BARX2: variants seen among roughly 807,000 people sequenced by gnomAD.
BARX2 encodes the protein homeobox protein BarH-like 2.
BARX2 carries 11 observed loss-of-function variants against 25.5 expected under a neutral mutation model. The observed-to-expected ratio is 0.43, with a 90% CI of 0.27 to 0.71. The LOEUF is 0.71. BARX2 is among the 30% of genes least tolerant of loss of function. BARX2 has a pLI of 0.19. For synonymous variants in BARX2, 137 were observed against 149.5 expected, an observed-to-expected ratio of 0.92 and a Z score of 0.61; for missense variants, 360 against 359.9, an observed-to-expected ratio of 1.00 and a Z score of 0.00.
chr11:129,378,406 C>A (rs2135381218), intron 1 of BARX2, among the ~76,000 whole-genome samples: 1 of 152,166 alleles, frequency 6.6e-6, no homozygotes, highest in Non-Finnish European at 1.5e-5. Context: ...TTTGCAAATA[C>A]CATACTTTCA....
At chr11:129,399,140 C>T (rs1478271224) in intron 1 of BARX2, among the ~76,000 whole-genome samples, 1 of 152,118 alleles carries the variant, frequency 6.6e-6, no homozygotes, top group Non-Finnish European at 1.5e-5. Context: ...AATGGATTAG[C>T]CTGTCAGTGG....
At chr11:129,404,813 C>G (rs1048213223) in intron 1 of BARX2, among the ~76,000 whole-genome samples, 2 of 152,160 alleles carry the variant, frequency 1.3e-5, no homozygotes, top group Non-Finnish European at 2.9e-5. Context: ...TTGTTTTGAT[C>G]TTTTCTCAGA....
At position 129,385,069 on chromosome 11, in the gene BARX2, C is replaced by T. The variant is rs1404614085; in HGVS notation, c.187+8847C>T. Among the ~76,000 whole-genome samples the T allele has an allele frequency of 3.3e-5, 5 of 152,262 alleles. No individual in the cohort carries two copies. The East Asian group carries it at 5.8e-4, about 18-fold the overall frequency. On this transcript the variant is annotated intron_variant, in intron 1 of 3. Transcript: ENST00000281437. ...GTAAACATGAAAGGATGCTCAACCT[C>T]GCTGATAAGTGGGAACACCCGAATT...
At chr11:129,383,038 C>T (rs1861584375) in intron 1 of BARX2, among the ~76,000 whole-genome samples, 2 of 152,166 alleles carry the variant, frequency 1.3e-5, no homozygotes, top group Admixed American at 6.5e-5. Context: ...TCAGAATTCA[C>T]GTTAGGATTT....
rs186979559 is a variant in BARX2, at chr11:129,430,901, G to A, written c.188-5850G>A. Among the ~76,000 whole-genome samples, 28 of 152,078 alleles carry A rather than the reference G, an allele frequency of 1.8e-4. 2 individuals carry two copies. The East Asian group carries it at 2.1e-3, about 12-fold the overall frequency. ...TTTTGAAACAGAGTCTTGCTCTGTCGCCCAGGCTGGAGTGCAGTGGCATGA... is the reference window on the plus strand; with the variant it reads ...TTTTGAAACAGAGTCTTGCTCTGTCACCCAGGCTGGAGTGCAGTGGCATGA... On this transcript the variant is annotated intron_variant, in intron 1 of 3. Coordinates refer to ENST00000281437, the MANE Select transcript of BARX2 (RefSeq NM_003658.5).
intron 2 of BARX2, among the ~76,000 whole-genome samples, chr11:129,440,210 G>A (rs1352723563): frequency 1.3e-5 from 2 of 152,210 alleles, no homozygotes; most frequent in Non-Finnish European, 2.9e-5. Context: ...AATTTGTAAC[G>A]GTGGCAGGTA....
intron 1 of BARX2, among the ~76,000 whole-genome samples, chr11:129,408,820 C>T (rs1373547622): frequency 6.6e-6 from 1 of 152,204 alleles, no homozygotes; most frequent in Non-Finnish European, 1.5e-5. Flanking sequence ...TTTTCTCTCT[C>T]TAGACTGCAA....
In BARX2 at chr11:129,378,875, G is replaced by A. The variant is rs148170227; in HGVS notation, c.187+2653G>A. 1.2e-3 allele frequency among the ~76,000 whole-genome samples: 187 copies of A among 150,388 alleles called. 1 individual carries two copies. The highest frequency in any genetic ancestry group is 1.8e-3 in the Admixed American group (27 of 15,080). ...AAAAAAAACACTGCATAATGAAACA[G>A]TTCATGCTCTGTGGATTTAGTAACC... On this transcript the variant is annotated intron_variant, in intron 1 of 3. Transcript: ENST00000281437.
intron 1 of BARX2, among the ~76,000 whole-genome samples, chr11:129,435,685 A>G (rs1290941940): frequency 2.0e-5 from 3 of 152,216 alleles, no homozygotes; most frequent in Non-Finnish European, 4.4e-5. Flanking sequence ...ATTCTTTAGA[A>G]TCAGCTAGTT....
intron 1 of BARX2, among the ~76,000 whole-genome samples, chr11:129,394,731 T>C (rs1861699995): frequency 6.6e-6 from 1 of 152,194 alleles, no homozygotes. Flanking sequence ...AATAAAGCTT[T>C]TTCATCCAGA....
chr11:129,386,082 A>G (rs975825184), intron 1 of BARX2, among the ~76,000 whole-genome samples: 2 of 152,204 alleles, frequency 1.3e-5, no homozygotes, highest in African/African-American at 4.8e-5. Flanking sequence ...ATTATTTATC[A>G]CCAAGATAAC....
chr11:129,393,556 A>G (rs1861687574), intron 1 of BARX2, among the ~76,000 whole-genome samples: 1 of 151,134 alleles, frequency 6.6e-6, no homozygotes. Flanking sequence ...AAGTTCTTAC[A>G]TAGCTGAAGT....
At chr11:129,401,930 T>G (rs568436757) in intron 1 of BARX2, among the ~76,000 whole-genome samples, 2 of 145,584 alleles carry the variant, frequency 1.4e-5, no homozygotes, top group African/African-American at 5.2e-5. Flanking sequence ...CACTACGGCC[T>G]GGGCAACAGA....
At chr11:129,446,951 A>G (rs535549941) in intron 3 of BARX2, among the ~76,000 whole-genome samples, 3 of 152,300 alleles carry the variant, frequency 2.0e-5, no homozygotes, top group African/African-American at 7.2e-5. Context: ...CACCCCCACT[A>G]ATAAGTCTAC....
chr11:129,411,333 T>C lies in BARX2; in HGVS notation c.188-25418T>C, dbSNP rs1016281518. Among the ~76,000 whole-genome samples, 3 of 136,936 alleles carry C rather than the reference T, an allele frequency of 2.2e-5. 1 individual carries two copies. The allele number at this position is 136,936 out of a possible 152,430, so 89.8% of individuals were successfully genotyped here. A position where few individuals can be genotyped will look rare whatever the true frequency, so the allele number is the denominator to read the frequency against. On this transcript the variant is annotated intron_variant, in intron 1 of 3. Transcript: ENST00000281437. ...TTGCAGTGAGCTGAGATCGTGCCAC[T>C]GCACTCCAGCCTGGGTGACAGAGTG... is the stretch of plus-strand genomic sequence containing the variant.
chr11:129,413,014 G>A (rs147640736), intron 1 of BARX2, among the ~76,000 whole-genome samples: 449 of 151,972 alleles, frequency 3.0e-3, no homozygotes, highest in African/African-American at 0.01. Flanking sequence ...TGCAGTGGGA[G>A]TTTGAAGAGG....
chr11:129,437,341 T>C, intron 2 of BARX2: 1 of 666,376 alleles, frequency 1.5e-6, no homozygotes, highest in South Asian at 7.4e-5. Context: ...AGCAAATGGT[T>C]GCTCAGGCGG....
At chr11:129,399,319 A>G (rs1275331480) in intron 1 of BARX2, among the ~76,000 whole-genome samples, 1 of 152,086 alleles carries the variant, frequency 6.6e-6, no homozygotes, top group African/African-American at 2.4e-5. Flanking sequence ...AGCAAGTTTG[A>G]CTTTAGGTTG....
intron 1 of BARX2, among the ~76,000 whole-genome samples, chr11:129,380,926 A>G (rs748507199): frequency 2.0e-5 from 3 of 151,710 alleles, no homozygotes; most frequent in Admixed American, 6.6e-5. Flanking sequence ...ACAGGCGCCC[A>G]TGACCACACC....
Sources: allele counts gnomAD v4.1 joint callset (sites outside exome capture counted in the v4.1 genomes callset), GRCh38; gene constraint gnomAD v4.1.1; transcripts MANE v1.5; gene names NCBI Gene and HGNC (gene_info 2026-07-23, HGNC 2026-07-21).